The following INPP4B variants were observed in gnomAD, a reference collection of about 807,000 sequenced individuals.
The protein encoded by INPP4B is inositol polyphosphate-4-phosphatase type II B, also known as inositol polyphosphate 4-phosphatase type II.
Under a neutral mutation model 122.5 loss-of-function variants are expected in INPP4B, and 55 were observed. The observed-to-expected ratio is 0.45, with a 90% confidence interval of 0.36 to 0.56. The LOEUF (loss-of-function observed/expected upper bound fraction) is 0.56, where lower values mean the gene tolerates loss of function less well. Ranked by LOEUF, INPP4B falls within the 20% of genes least tolerant of loss-of-function variation. INPP4B has a pLI of 0.00. For missense variants in INPP4B, 1,000 were observed against 1,097.7 expected (o/e 0.91, Z 1.26); for synonymous variants, 403 against 388.7 (o/e 1.04, Z -0.43).
chr4:142,770,126 CT>C (rs1364216232), intron 1 of INPP4B, among the ~76,000 whole-genome samples: 1 of 152,016 alleles, frequency 6.6e-6, no homozygotes, highest in Non-Finnish European at 1.5e-5. Flanking sequence ...ACATTACAAA[CT>C]GACTAAGTTA....
intron 25 of INPP4B, among the ~76,000 whole-genome samples, chr4:142,031,317 G>A (rs1739899587): frequency 6.6e-6 from 1 of 152,148 alleles, no homozygotes; most frequent in African/African-American, 2.4e-5. Flanking sequence ...CTTTTCAAAG[G>A]AAACTTCTAA....
chr4:142,028,705 A>C lies in INPP4B; in HGVS notation c.*77T>G. On this transcript the variant is annotated 3_prime_UTR_variant, in exon 26 of 26. Coordinates refer to ENST00000262992, the MANE Select transcript of INPP4B (RefSeq NM_001101669.3). ...CCACCACAAATTCATGACAATAAAAACAAACAAAAAAGACCAAGGTGAAGA... is the reference window on the plus strand; with the variant it reads ...CCACCACAAATTCATGACAATAAAACCAAACAAAAAAGACCAAGGTGAAGA... 2 of 1,472,496 alleles carry C rather than the reference A, an allele frequency of 1.4e-6. No individual in the cohort carries two copies. Among genetic ancestry groups the C allele is most frequent in the South Asian group, 2.6e-5 (2 of 75,642 alleles). 91.2% of individuals were successfully genotyped at this position (1,472,496 alleles called of 1,614,324 possible). A position where few individuals can be genotyped will look rare whatever the true frequency, so the allele number is the denominator to read the frequency against.
intron 3 of INPP4B, among the ~76,000 whole-genome samples, chr4:142,456,659 C>G (rs748941680): frequency 4.6e-5 from 7 of 151,884 alleles, no homozygotes; most frequent in Non-Finnish European, 8.8e-5. Flanking sequence ...AATCTATGTG[C>G]TATAATCTAT....
intron 9 of INPP4B, among the ~76,000 whole-genome samples, chr4:142,301,169 A>C (rs548845656): frequency 1.3e-5 from 2 of 152,302 alleles, no homozygotes; most frequent in African/African-American, 4.8e-5. Context: ...AATATTCACC[A>C]GTTTAGATGG....
chr4:142,316,976 A>G (rs547555714), intron 7 of INPP4B, among the ~76,000 whole-genome samples: 3 of 152,332 alleles, frequency 2.0e-5, no homozygotes, highest in Admixed American at 2.0e-4. Flanking sequence ...CACATGTGTG[A>G]ATAATTTAGC....
intron 17 of INPP4B, among the ~76,000 whole-genome samples, chr4:142,150,766 C>T (rs1357637355): frequency 6.6e-6 from 1 of 152,134 alleles, no homozygotes; most frequent in Non-Finnish European, 1.5e-5. Context: ...TGAAGGCAGG[C>T]AGCATGATGG....
At chr4:142,536,999 G>A (rs1240083950) in intron 2 of INPP4B, among the ~76,000 whole-genome samples, 1 of 152,004 alleles carries the variant, frequency 6.6e-6, no homozygotes, top group Non-Finnish European at 1.5e-5. Context: ...GTTTCACCAT[G>A]TTGGCCAGGA....
At chr4:142,394,353 G>C (rs1225166144) in intron 7 of INPP4B, among the ~76,000 whole-genome samples, 2 of 152,200 alleles carry the variant, frequency 1.3e-5, no homozygotes, top group East Asian at 3.9e-4. Context: ...CACCGTGTTA[G>C]CCAGGATGGT....
At chr4:142,220,646 C>G (rs1395404985) in intron 12 of INPP4B, among the ~76,000 whole-genome samples, 1 of 152,070 alleles carries the variant, frequency 6.6e-6, no homozygotes. Context: ...AGCTTTGGAG[C>G]CTGTTTTAGT....
chr4:142,084,970 A>G (rs1380877140), intron 24 of INPP4B, among the ~76,000 whole-genome samples: 2 of 152,218 alleles, frequency 1.3e-5, no homozygotes, highest in Non-Finnish European at 2.9e-5. Context: ...TGTTAGAATT[A>G]ACAACCGTAG....
At chr4:142,120,248 T>C (rs1036647842) in intron 21 of INPP4B, among the ~76,000 whole-genome samples, 1 of 152,138 alleles carries the variant, frequency 6.6e-6, no homozygotes, top group Non-Finnish European at 1.5e-5. Flanking sequence ...TATTATAGTT[T>C]TGTAGTAATT....
At chr4:142,200,258 CCTATT>C (rs1840081213) in intron 14 of INPP4B, among the ~76,000 whole-genome samples, 1 of 151,800 alleles carries the variant, frequency 6.6e-6, no homozygotes, top group African/African-American at 2.4e-5. Flanking sequence ...TTTATGTATA[CCTATT>C]CTATTAAAAA....
At chr4:142,204,064 GT>G (rs1841742507) in intron 14 of INPP4B, among the ~76,000 whole-genome samples, 1 of 151,866 alleles carries the variant, frequency 6.6e-6, no homozygotes, top group South Asian at 2.1e-4. Context: ...AACTTTTAAC[GT>G]TTTCATTTTG....
rs146797192 is a variant in INPP4B, at chr4:142,522,705, T to C, written c.-190-59979A>G. On this transcript the variant is annotated intron_variant, in intron 2 of 25. Coordinates refer to ENST00000262992, the MANE Select transcript of INPP4B (RefSeq NM_001101669.3). ...GGTGGCCTCAGGTGGCATCTGAATA[T>C]AGGTTGGACACAATAAGAACATGGG... 9.2e-4 allele frequency among the ~76,000 whole-genome samples: 140 copies of C among 152,146 alleles called. 1 individual carries two copies. Among genetic ancestry groups the C allele is most frequent in the African/African-American group, 3.1e-3 (128 of 41,540 alleles).
chr4:142,506,711 G>A (rs750315900), intron 2 of INPP4B, among the ~76,000 whole-genome samples: 4 of 152,172 alleles, frequency 2.6e-5, no homozygotes, highest in African/African-American at 4.8e-5. Context: ...TGTCAGAACC[G>A]AGCTAGAAAC....
At chr4:142,321,264 C>A (rs1769897259) in intron 7 of INPP4B, among the ~76,000 whole-genome samples, 1 of 152,004 alleles carries the variant, frequency 6.6e-6, no homozygotes, top group African/African-American at 2.4e-5. Context: ...ATTTATATTT[C>A]TTTTGAGAAT....
chr4:142,569,895 T>A (rs1381369513), intron 2 of INPP4B, among the ~76,000 whole-genome samples: 3 of 152,078 alleles, frequency 2.0e-5, no homozygotes, highest in Non-Finnish European at 2.9e-5. Context: ...ATACATAAAT[T>A]TTCTGTGTGT....
chr4:142,252,942 T>C (rs1354219490), intron 11 of INPP4B, among the ~76,000 whole-genome samples: 2 of 152,112 alleles, frequency 1.3e-5, no homozygotes, highest in Admixed American at 1.3e-4. Flanking sequence ...CATCATAGAG[T>C]ACACTTACAG....
chr4:142,029,765 G>A (rs1738646338), intron 25 of INPP4B: 1 of 997,646 alleles, frequency 1.0e-6, no homozygotes, highest in Non-Finnish European at 1.2e-6. Context: ...TTGTCTCAGG[G>A]TTTCAGTGTT....
Sources: gnomAD v4.1 joint callset for allele counts (sites outside exome capture counted in the v4.1 genomes callset) on GRCh38, gnomAD v4.1.1 for gene constraint, MANE v1.5 for transcripts, NCBI Gene and HGNC (gene_info 2026-07-23, HGNC 2026-07-21) for gene names.